Variants in SIPA1L3 observed in about 807,000 individuals in gnomAD.
SIPA1L3 encodes signal induced proliferation associated 1 like 3.
Under a neutral mutation model 150.1 loss-of-function variants are expected in SIPA1L3, and 59 were observed. The ratio of observed to expected loss-of-function variants is 0.39; its 90% CI spans 0.32 to 0.49. The LOEUF (loss-of-function observed/expected upper bound fraction) is 0.49, where lower values mean the gene tolerates loss of function less well. Ranked by LOEUF, SIPA1L3 falls within the 20% of genes least tolerant of loss-of-function variation. SIPA1L3 has a pLI of 0.86. For synonymous variants in SIPA1L3, 1,070 were observed against 1,077.6 expected (o/e 0.99, Z 0.14); for missense variants, 2,211 against 2,489.5 (o/e 0.89, Z 2.38).
rs1462416248 is a variant in SIPA1L3, at chr19:38,082,515, C to T, written c.950C>T (p.Ser317Phe). The T allele has an allele frequency of 5.0e-6, 8 of 1,597,440 alleles. No homozygotes were observed. The South Asian group carries it at 8.8e-5, about 18-fold the overall frequency. Residue 317 changes from serine (S) to phenylalanine (F), a missense_variant, in exon 3 of 22, where the codon TCC (serine) becomes TTC (phenylalanine). This residue lies in a region of SIPA1L3 where 587 missense variants were observed against 534.5 expected (regional missense o/e 1.10). Coordinates refer to ENST00000222345, the MANE Select transcript of SIPA1L3 (RefSeq NM_015073.3). ...AAACCCGAGGGGGAGGCTGGGCGTT[C>T]CCCGGGGGAGGCCGACGAGGGCCGG... ...SSKPEGEAGR[S>F]PGEADEGRSP...
chr19:37,935,357 T>C (rs1319720038), intron 1 of SIPA1L3, among the ~76,000 whole-genome samples: 1 of 152,094 alleles, frequency 6.6e-6, no homozygotes, highest in Non-Finnish European at 1.5e-5. Context: ...GATTTGTGAT[T>C]GATTGTGTGT....
intron 18 of SIPA1L3, among the ~76,000 whole-genome samples, chr19:38,195,803 C>CG (rs1029798684): frequency 4.9e-5 from 5 of 102,672 alleles, no homozygotes; most frequent in Non-Finnish European, 9.7e-5. Context: ...TCCCCCCCCG[C>CG]CCCCCCGGGT....
In SIPA1L3 at chr19:38,171,188, T is replaced by C. The variant is rs573027804; in HGVS notation, c.4208+6282T>C. 2.6e-5 allele frequency among the ~76,000 whole-genome samples: 4 copies of C among 152,126 alleles called. 1 individual carries two copies. Among genetic ancestry groups the C allele is most frequent in the Non-Finnish European group, 5.9e-5 (4 of 67,988 alleles). The stretch of plus-strand genomic sequence containing the variant: ...ATTAGAGTTGCGTGTGCAAAGTCCC[T>C]GTGGTAGGGAGGAGGGTGGTATCGT... On this transcript the variant is annotated intron_variant, in intron 15 of 21. Coordinates refer to ENST00000222345, the MANE Select transcript of SIPA1L3 (RefSeq NM_015073.3).
At chr19:37,921,305 G>A (rs1033865048) in intron 1 of SIPA1L3, among the ~76,000 whole-genome samples, 3 of 152,196 alleles carry the variant, frequency 2.0e-5, no homozygotes, top group South Asian at 2.1e-4. Flanking sequence ...TGAGTATGTG[G>A]TAAAATTCTT....
At chr19:38,178,990 C>A (rs1972503608) in intron 15 of SIPA1L3, among the ~76,000 whole-genome samples, 1 of 152,182 alleles carries the variant, frequency 6.6e-6, no homozygotes, top group African/African-American at 2.4e-5. Flanking sequence ...TCGGACAATC[C>A]CTGCCTTTTG....
chr19:38,156,500 G>A (rs892556169), intron 13 of SIPA1L3, among the ~76,000 whole-genome samples: 12 of 149,604 alleles, frequency 8.0e-5, no homozygotes, highest in African/African-American at 2.5e-4. Context: ...ATACACACAC[G>A]CCCACATGGA....
Position 38,082,069 on chromosome 19 carries a change from C to T in SIPA1L3, c.504C>T (p.His168=). Reference sequence around the variant, plus strand: ...GCAGGGCCTTCCTCCCCCTTCGGCACCGCAGCAGCAGCGAGATCACCCTCA... The same window carrying T: ...GCAGGGCCTTCCTCCCCCTTCGGCATCGCAGCAGCAGCGAGATCACCCTCA... ...SPGRAFLPLR[H]RSSSEITLSE... Residue 168 remains histidine, a synonymous_variant, in exon 3 of 22, where the codon CAC becomes CAT. Coordinates refer to ENST00000222345, the MANE Select transcript of SIPA1L3 (RefSeq NM_015073.3). 2 of 1,612,948 alleles carry T rather than the reference C, an allele frequency of 1.2e-6. No homozygotes were observed. Among genetic ancestry groups the T allele is most frequent in the Non-Finnish European group, 1.7e-6 (2 of 1,179,944 alleles).
At chr19:37,959,097 C>T (rs891175956) in intron 1 of SIPA1L3, among the ~76,000 whole-genome samples, 1 of 152,104 alleles carries the variant, frequency 6.6e-6, no homozygotes, top group African/African-American at 2.4e-5. Flanking sequence ...AATGGTGTAG[C>T]CATTTTGGAA....
At chr19:37,999,005 A>ACACC (rs1179606208) in intron 1 of SIPA1L3, among the ~76,000 whole-genome samples, 7 of 150,398 alleles carry the variant, frequency 4.7e-5, no homozygotes. Flanking sequence ...ACACACACAC[A>ACACC]CACACACCCA....
chr19:38,073,902 G>C (rs1969776716), intron 2 of SIPA1L3, among the ~76,000 whole-genome samples: 1 of 152,220 alleles, frequency 6.6e-6, no homozygotes, highest in South Asian at 2.1e-4. Context: ...GGGGGAAAGG[G>C]GAAGCACTTC....
chr19:38,110,030 G>A, intron 7 of SIPA1L3, 197 bp from the exon 8 acceptor site: 1 of 581,674 alleles, frequency 1.7e-6, no homozygotes, highest in Non-Finnish European at 3.1e-6. Flanking sequence ...TTCTGGCCAT[G>A]GTGAGGCCTT....
chr19:37,957,158 A>G (rs1488049260), intron 1 of SIPA1L3, among the ~76,000 whole-genome samples: 1 of 152,240 alleles, frequency 6.6e-6, no homozygotes, highest in Non-Finnish European at 1.5e-5. Flanking sequence ...TCCTACTGCT[A>G]GTGCCACAGT....
intron 16 of SIPA1L3, among the ~76,000 whole-genome samples, chr19:38,187,228 G>T (rs1400701836): frequency 6.6e-6 from 1 of 151,924 alleles, no homozygotes; most frequent in African/African-American, 2.4e-5. Context: ...AGGATGGGTG[G>T]ATCACCTGAG....
intron 2 of SIPA1L3, among the ~76,000 whole-genome samples, chr19:38,057,368 A>G (rs1321443835): frequency 6.6e-6 from 1 of 151,488 alleles, no homozygotes; most frequent in African/African-American, 2.4e-5. Flanking sequence ...ATATGTATAT[A>G]TATGGGAAGG....
intron 9 of SIPA1L3, among the ~76,000 whole-genome samples, chr19:38,123,126 C>T (rs1419772488): frequency 2.0e-5 from 3 of 152,194 alleles, no homozygotes; most frequent in Non-Finnish European, 4.4e-5. Context: ...AGACCCTGCT[C>T]AGCACCTTGG....
At chr19:38,108,217 G>A (rs550180500) in intron 7 of SIPA1L3, among the ~76,000 whole-genome samples, 40 of 152,266 alleles carry the variant, frequency 2.6e-4, no homozygotes, top group Admixed American at 2.0e-3. Context: ...ACACAGGAGG[G>A]GCGCAGAGAG....
At chr19:38,136,612 A>AT (rs1414616575) in intron 10 of SIPA1L3, among the ~76,000 whole-genome samples, 10 of 152,188 alleles carry the variant, frequency 6.6e-5, no homozygotes, top group Admixed American at 2.0e-4. Flanking sequence ...TCAAAAAAAA[A>AT]TTTTTTTAAT....
At chr19:38,011,377 A>G (rs931883406) in intron 1 of SIPA1L3, among the ~76,000 whole-genome samples, 2 of 152,066 alleles carry the variant, frequency 1.3e-5, no homozygotes, top group Admixed American at 6.6e-5. Context: ...TTGGGAGGCT[A>G]AGGTGGGGGA....
intron 8 of SIPA1L3, among the ~76,000 whole-genome samples, chr19:38,110,649 T>A (rs1394091297): frequency 1.3e-5 from 2 of 152,208 alleles, no homozygotes; most frequent in African/African-American, 2.4e-5. Context: ...CAATGTGGCT[T>A]AAGACAAAAA....
Sources: gnomAD v4.1 joint callset for allele counts (sites outside exome capture counted in the v4.1 genomes callset) on GRCh38, gnomAD v4.1.1 for gene constraint, gnomAD v4.1.1 regional missense constraint, MANE v1.5 for transcripts, NCBI Gene and HGNC (gene_info 2026-07-23, HGNC 2026-07-21) for gene names.